The following FRMD3 variants were observed in gnomAD, a reference collection of about 807,000 sequenced individuals.
FRMD3 encodes the protein FERM domain containing 3, also known as FERM domain-containing protein 3.
FRMD3 carries 33 observed loss-of-function variants against 70.2 expected under a neutral mutation model. The observed-to-expected ratio is 0.47, with a 90% CI of 0.36 to 0.63. The LOEUF is 0.63. Ranked by LOEUF, FRMD3 falls within the 20% of genes least tolerant of loss-of-function variation. The pLI is 0.00. For missense variants in FRMD3, 632 were observed against 711.4 expected, an observed-to-expected ratio of 0.89 and a Z score of 1.27; for synonymous variants, 279 against 255.9, an observed-to-expected ratio of 1.09 and a Z score of -0.86.
intron 10 of FRMD3, among the ~76,000 whole-genome samples, chr9:83,308,947 G>GA (rs1835243338): frequency 6.6e-6 from 1 of 152,082 alleles, no homozygotes; most frequent in South Asian, 2.1e-4. Context: ...AATAAATGGC[G>GA]AATTGGTAGA....
chr9:83,317,209 C>T (rs1158081037), intron 6 of FRMD3, among the ~76,000 whole-genome samples: 2 of 151,820 alleles, frequency 1.3e-5, no homozygotes, highest in African/African-American at 4.8e-5. Flanking sequence ...CACACACACA[C>T]ACACACACAC....
chr9:83,410,999 T>G (rs1196597738), intron 1 of FRMD3, among the ~76,000 whole-genome samples: 1 of 152,202 alleles, frequency 6.6e-6, no homozygotes, highest in East Asian at 1.9e-4. Flanking sequence ...TCAGGGTGTT[T>G]TGGGACATGA....
chr9:83,562,081 T>C, the FRMD3 span, among the ~76,000 whole-genome samples: 1 of 152,204 alleles, frequency 6.6e-6, no homozygotes, highest in African/African-American at 2.4e-5. Flanking sequence ...GGGATCAAAT[T>C]GCTCCTGGTC....
At chr9:83,458,575 T>C (rs2131432389) in intron 1 of FRMD3, among the ~76,000 whole-genome samples, 1 of 152,336 alleles carries the variant, frequency 6.6e-6, no homozygotes, top group East Asian at 1.9e-4. Context: ...AAACCTCCAC[T>C]AAATGAGCTT....
At chr9:83,504,558 TC>T (rs1829141515) in intron 1 of FRMD3, among the ~76,000 whole-genome samples, 1 of 150,926 alleles carries the variant, frequency 6.6e-6, no homozygotes, top group Non-Finnish European at 1.5e-5. Flanking sequence ...ACATCTGTTC[TC>T]TTTCTGAAAT....
intron 1 of FRMD3, among the ~76,000 whole-genome samples, chr9:83,520,970 C>CAAAAAAAAAAAA (rs144061788): frequency 7.1e-5 from 4 of 56,090 alleles, no homozygotes; most frequent in Non-Finnish European, 1.0e-4. Context: ...ACTAAAAATA[C>CAAAAAAAAAAAA]AAAAAAAAAA....
chr9:83,569,031 C>A, the FRMD3 span, among the ~76,000 whole-genome samples: 128 of 152,048 alleles, frequency 8.4e-4, 1 homozygote, highest in African/African-American at 3.0e-3. Flanking sequence ...GAAATGATTT[C>A]AATAGCCAAT....
intron 2 of FRMD3, among the ~76,000 whole-genome samples, chr9:83,383,032 G>C (rs560197183): frequency 1.2e-4 from 19 of 152,264 alleles, no homozygotes; most frequent in African/African-American, 4.3e-4. Context: ...CTAAGCAGCC[G>C]TGTAAGAAGT....
chr9:83,523,534 T>C (rs919836653), intron 1 of FRMD3, among the ~76,000 whole-genome samples: 1 of 151,932 alleles, frequency 6.6e-6, no homozygotes, highest in Admixed American at 6.6e-5. Flanking sequence ...TAAAGAAAGG[T>C]TGGGGAAAGG....
Position 83,538,232 on chromosome 9 carries a change from G to A in FRMD3, c.-1C>T. 6.4e-7 allele frequency: 1 copy of A among 1,564,012 alleles called. No homozygotes were observed. Among genetic ancestry groups the A allele is most frequent in the Non-Finnish European group, 8.7e-7 (1 of 1,153,654 alleles). ...GCACACAGTGGCAGGAGGCGAACAT[G>A]CACCGCGGCCGTGGGGAGCGAGCGG... On this transcript the variant is annotated 5_prime_UTR_variant, in exon 1 of 14. Coordinates refer to ENST00000304195, the MANE Select transcript of FRMD3 (RefSeq NM_174938.6). This position sits in a 1 kb window ranked among gnomAD's most constrained non-coding sequence, Gnocchi z 4.7.
intron 13 of FRMD3, chr9:83,267,235 C>G: frequency 6.6e-7 from 1 of 1,521,072 alleles, no homozygotes; most frequent in Non-Finnish European, 8.9e-7. Context: ...TAGGCAGGAC[C>G]CACTGAATGA....
chr9:83,566,855 C>T, the FRMD3 span, among the ~76,000 whole-genome samples: 7 of 152,300 alleles, frequency 4.6e-5, no homozygotes, highest in East Asian at 5.8e-4. Context: ...GCTGCTCTCA[C>T]GGGCTGGCAT....
At chr9:83,411,971 C>G (rs1469444562) in intron 1 of FRMD3, among the ~76,000 whole-genome samples, 1 of 152,204 alleles carries the variant, frequency 6.6e-6, no homozygotes, top group Non-Finnish European at 1.5e-5. Flanking sequence ...AATGTTCTAG[C>G]TGCCCATCTT....
At chr9:83,472,689 TGAAA>T (rs1326313780) in intron 1 of FRMD3, among the ~76,000 whole-genome samples, 1 of 152,228 alleles carries the variant, frequency 6.6e-6, no homozygotes, top group Non-Finnish European at 1.5e-5. Context: ...ATTTTCTTAC[TGAAA>T]GAATCACTTT....
intron 1 of FRMD3, among the ~76,000 whole-genome samples, chr9:83,523,144 AATGGATGGAGG>A (rs1215876315): frequency 6.6e-6 from 1 of 150,702 alleles, no homozygotes; most frequent in East Asian, 2.0e-4. Flanking sequence ...TTGTTTGGTG[AATGGATGGAGG>A]ATGGATGGAT....
chr9:83,452,473 G>T (rs1242935197), intron 1 of FRMD3, among the ~76,000 whole-genome samples: 1 of 151,746 alleles, frequency 6.6e-6, no homozygotes, highest in East Asian at 1.9e-4. Context: ...TGCTTGAGTT[G>T]TTTTTTTTGT....
chr9:83,479,749 A>AAAG (rs2131475066), intron 1 of FRMD3, among the ~76,000 whole-genome samples: 1 of 117,500 alleles, frequency 8.5e-6, no homozygotes, highest in South Asian at 3.4e-4. Flanking sequence ...GAAAAAGAAA[A>AAAG]GAGAAGAAGA....
intron 2 of FRMD3, among the ~76,000 whole-genome samples, chr9:83,376,647 C>T (rs1825155693): frequency 6.7e-6 from 1 of 148,560 alleles, no homozygotes; most frequent in Non-Finnish European, 1.5e-5. Flanking sequence ...TTCTATGTTG[C>T]CCAGGCTTGT....
chr9:83,531,353 A>G (rs1829788104), intron 1 of FRMD3, among the ~76,000 whole-genome samples: 1 of 152,222 alleles, frequency 6.6e-6, no homozygotes, highest in Non-Finnish European at 1.5e-5. Context: ...ATATTATTGT[A>G]TTCTCCCTGA....
Sources: allele counts gnomAD v4.1 joint callset (sites outside exome capture counted in the v4.1 genomes callset), GRCh38; gene constraint gnomAD v4.1.1; non-coding constraint Gnocchi (gnomAD v3.1); transcripts MANE v1.5; gene names NCBI Gene and HGNC (gene_info 2026-07-23, HGNC 2026-07-21).